Variants in DST observed in about 807,000 individuals in gnomAD.
DST encodes dystonin, also known as bullous pemphigoid antigen.
A neutral mutation model predicts 875.2 loss-of-function variants in DST; 253 were observed. The observed-to-expected ratio is 0.29, with a 90% CI of 0.26 to 0.32. The LOEUF (loss-of-function observed/expected upper bound fraction) is 0.32. Ranked by LOEUF, DST falls within the 10% of genes least tolerant of loss-of-function variation. The probability of loss-of-function intolerance (pLI) is 1.00; values close to 1 mark genes in which losing one functional copy is unlikely to be tolerated. For synonymous variants in DST, 3,124 were observed against 3,197.1 expected, an observed-to-expected ratio of 0.98 and a Z score of 0.77; for missense variants, 8,287 against 9,111.6, an observed-to-expected ratio of 0.91 and a Z score of 3.68.
At chr6:56,565,405 C>T (rs1254050888) in intron 55 of DST, among the ~76,000 whole-genome samples, 1 of 152,116 alleles carries the variant, frequency 6.6e-6, no homozygotes, top group Non-Finnish European at 1.5e-5. Flanking sequence ...AGGCATCAGC[C>T]ACCACGCCCG....
At chr6:56,626,344 T>C (rs1014359756) in intron 34 of DST, among the ~76,000 whole-genome samples, 2 of 152,158 alleles carry the variant, frequency 1.3e-5, no homozygotes, top group South Asian at 2.1e-4. Flanking sequence ...TCTATACAAG[T>C]GTACCATGTT....
In DST at chr6:56,624,603, G is replaced by C; in HGVS notation, c.4856C>G (p.Thr1619Ser). The change falls in exon 36 of 104, where the codon ACT (threonine) becomes AGT (serine). Residue 1619 changes from threonine to serine, a missense_variant. Physicochemically the swap from Thr to Ser is moderately conservative, Grantham distance 58. Around this residue, in one of 10 missense-constraint regions of DST, gnomAD observed 3,138 missense variants for 3,116.6 expected, o/e 1.01. Coordinates refer to ENST00000680361, the MANE Select transcript of DST (RefSeq NM_001374736.1). Reference sequence around the variant, plus strand: ...TTGTGTCATGAGAGTGACCAGGGCAGTATATCGAGTCCTTAGGTCCATGAA... The same window carrying C: ...TTGTGTCATGAGAGTGACCAGGGCACTATATCGAGTCCTTAGGTCCATGAA... ...QEFMDLRTRYTALVTLMTQYI... is the reference protein window; with the variant it reads ...QEFMDLRTRYSALVTLMTQYI... 1 of 1,612,920 alleles carries C rather than the reference G, an allele frequency of 6.2e-7. No homozygotes were observed. The highest frequency in any genetic ancestry group is 8.5e-7 in the Non-Finnish European group (1 of 1,179,300).
intron 4 of DST, among the ~76,000 whole-genome samples, chr6:56,745,864 T>C (rs1236981926): frequency 6.6e-6 from 1 of 152,198 alleles, no homozygotes; most frequent in Non-Finnish European, 1.5e-5. Flanking sequence ...AATCAGGAAA[T>C]GCAGATAAAA....
intron 94 of DST, chr6:56,471,761 T>C (rs544708151): frequency 2.3e-6 from 1 of 441,040 alleles, no homozygotes; most frequent in South Asian, 2.3e-5. Flanking sequence ...CCAGGCAGCA[T>C]CACCAGCAAA....
intron 5 of DST, among the ~76,000 whole-genome samples, chr6:56,723,911 C>A (rs2099432322): frequency 2.6e-5 from 4 of 152,192 alleles, no homozygotes; most frequent in Non-Finnish European, 5.9e-5. Context: ...CCGCTGCTCC[C>A]CCAACCCAGG....
intron 2 of DST, among the ~76,000 whole-genome samples, chr6:56,909,857 G>A (rs916663749): frequency 4.6e-5 from 7 of 152,256 alleles, no homozygotes; most frequent in Middle Eastern, 3.4e-3. Context: ...GTATCCCATC[G>A]TGCTATATGC....
At chr6:56,906,828 C>G (rs1005919460) in intron 2 of DST, among the ~76,000 whole-genome samples, 2 of 152,102 alleles carry the variant, frequency 1.3e-5, no homozygotes, top group Non-Finnish European at 2.9e-5. Context: ...GGGTATTTAC[C>G]CCAGATAATG....
chr6:56,916,778 T>TCACACACA (rs70989742), intron 2 of DST, among the ~76,000 whole-genome samples: 1,313 of 91,304 alleles, frequency 0.014, 23 homozygotes, highest in African/African-American at 0.017. Flanking sequence ...TCTCTCTCTC[T>TCACACACA]CACACACACA....
chr6:56,657,144 G>T (rs2152806830), intron 10 of DST, among the ~76,000 whole-genome samples: 1 of 152,130 alleles, frequency 6.6e-6, no homozygotes, highest in Admixed American at 6.5e-5. Context: ...AAGATTATAA[G>T]CATTTTGTAT....
chr6:56,785,247 G>A (rs1343443128), intron 4 of DST, among the ~76,000 whole-genome samples: 1 of 152,230 alleles, frequency 6.6e-6, no homozygotes, highest in African/African-American at 2.4e-5. Context: ...CCTCAAAGCT[G>A]TCAGACAGGG....
intron 61 of DST, among the ~76,000 whole-genome samples, chr6:56,539,510 A>G (rs1481350497): frequency 6.6e-6 from 1 of 152,168 alleles, no homozygotes; most frequent in Non-Finnish European, 1.5e-5. Flanking sequence ...CTATGAAGAG[A>G]GCCTTTCCCC....
At chr6:56,653,737 A>C (rs961482850) in intron 10 of DST, among the ~76,000 whole-genome samples, 25 of 152,248 alleles carry the variant, frequency 1.6e-4, no homozygotes, top group African/African-American at 5.3e-4. Context: ...AAAATTTAAA[A>C]TGCTATTCCT....
chr6:56,717,431 C>T (rs2099399389), intron 5 of DST, among the ~76,000 whole-genome samples: 1 of 150,354 alleles, frequency 6.7e-6, no homozygotes, highest in Non-Finnish European at 1.5e-5. Flanking sequence ...TGATAATAGC[C>T]ATTCCCCCAA....
intron 10 of DST, among the ~76,000 whole-genome samples, chr6:56,669,287 C>CAAAA (rs1055863442): frequency 1.4e-5 from 1 of 69,388 alleles, no homozygotes; most frequent in Non-Finnish European, 3.1e-5. Context: ...TTTGTAAAAC[C>CAAAA]AAAAAAAAAA....
Position 56,527,589 on chromosome 6 carries a change from C to G in DST, c.17826G>C (p.Leu5942=). 1.2e-6 allele frequency: 2 copies of G among 1,613,874 alleles called. No homozygotes were observed. The highest frequency in any genetic ancestry group is 1.7e-6 in the Non-Finnish European group (2 of 1,179,850). ...CCTCCACTTTGTCCAGCCAGGTACACAGCTCTTCGTGTGTGGAGTGCAGCC... is the reference window on the plus strand; with the variant it reads ...CCTCCACTTTGTCCAGCCAGGTACAGAGCTCTTCGTGTGTGGAGTGCAGCC... The part of the protein sequence containing the change: ...ARRLHSTHEE[L]CTWLDKVEVE... Residue 5942 remains leucine, a synonymous_variant, in exon 68 of 104, where the codon CTG becomes CTC. Transcript: ENST00000680361.
chr6:56,834,466 G>A (rs542904652), intron 4 of DST, among the ~76,000 whole-genome samples: 14 of 151,908 alleles, frequency 9.2e-5, no homozygotes, highest in Middle Eastern at 3.4e-3. Context: ...GCGTGGTGGC[G>A]GATGCCTGTA....
intron 2 of DST, among the ~76,000 whole-genome samples, chr6:56,914,259 A>T (rs1189308918): frequency 6.6e-6 from 1 of 152,262 alleles, no homozygotes; most frequent in African/African-American, 2.4e-5. Context: ...CATTGCATCC[A>T]TATTAAAATT....
At chr6:56,943,135 A>C (rs972869511) in intron 2 of DST, among the ~76,000 whole-genome samples, 2 of 152,210 alleles carry the variant, frequency 1.3e-5, no homozygotes, top group African/African-American at 4.8e-5. Context: ...TAATGCATAA[A>C]TTATACATAA....
intron 9 of DST, among the ~76,000 whole-genome samples, chr6:56,689,362 C>A (rs2099211805): frequency 6.6e-6 from 1 of 152,046 alleles, no homozygotes; most frequent in Non-Finnish European, 1.5e-5. Flanking sequence ...GCCTGCCAGG[C>A]CCGTAGTCCA....
Sources: allele counts gnomAD v4.1 joint callset (sites outside exome capture counted in the v4.1 genomes callset), GRCh38; gene constraint gnomAD v4.1.1; regional missense constraint gnomAD v4.1.1; transcripts MANE v1.5; gene names NCBI Gene and HGNC (gene_info 2026-07-23, HGNC 2026-07-21).